RNF17: variants seen among roughly 807,000 people sequenced by gnomAD.
The protein encoded by RNF17 is spermatogenesis associated 23.
In RNF17, 31 loss-of-function variants were observed where a neutral mutation model predicts 200.5. The ratio of observed to expected loss-of-function variants is 0.15; its 90% CI spans 0.12 to 0.21. The LOEUF (loss-of-function observed/expected upper bound fraction) is 0.21, where lower values mean the gene tolerates loss of function less well. Among genes scored for constraint, RNF17 ranks in the 10% least tolerant of loss-of-function variants. The probability of loss-of-function intolerance (pLI) is 1.00; values close to 1 mark genes in which losing one functional copy is unlikely to be tolerated. For missense variants in RNF17, 1,628 were observed against 1,905.1 expected (o/e 0.85, Z 2.71); for synonymous variants, 606 against 637.8 (o/e 0.95, Z 0.75).
intron 6 of RNF17, among the ~76,000 whole-genome samples, chr13:24,787,230 A>G (rs528012449): frequency 2.6e-4 from 40 of 151,886 alleles, no homozygotes; most frequent in African/African-American, 9.4e-4. Context: ...CATTTTTCTG[A>G]TTATTCTCTA....
chr13:24,810,041 G>A (rs1029071268), intron 15 of RNF17, among the ~76,000 whole-genome samples: 1 of 151,904 alleles, frequency 6.6e-6, no homozygotes, highest in Non-Finnish European at 1.5e-5. Context: ...TACATTTGCT[G>A]AGGAGAGCTT....
At chr13:24,881,855 T>G (rs201652077), downstream of RNF17, among the ~76,000 whole-genome samples, 23 of 71,192 alleles carry the variant, frequency 3.2e-4, no homozygotes, top group East Asian at 1.0e-3. Context: ...GATACATCTA[T>G]ATAGATATAT....
chr13:24,859,157 C>T lies in RNF17; in HGVS notation c.3767C>T (p.Ala1256Val). 2 of 1,595,502 alleles carry T rather than the reference C, an allele frequency of 1.3e-6. No homozygotes were observed. Among genetic ancestry groups the T allele is most frequent in the Non-Finnish European group, 1.7e-6 (2 of 1,169,098 alleles). ...RGKVMEVVGGAVRVQYLDHGF... is the reference protein window; with the variant it reads ...RGKVMEVVGGVVRVQYLDHGF... ...AAGGTGATGGAGGTTGTAGGTGGCG[C>T]TGTCAGAGTGAGTCTGATATTCTTT... is the stretch of plus-strand genomic sequence containing the variant. The change falls in exon 26 of 36, where the codon GCT (alanine) becomes GTT (valine). Residue 1256 changes from alanine to valine, a missense_variant. Ala to Val is a moderately conservative substitution (Grantham distance 64). Coordinates refer to ENST00000255324, the MANE Select transcript of RNF17 (RefSeq NM_031277.3).
At chr13:24,830,842 T>C (rs1453763014) in intron 17 of RNF17, among the ~76,000 whole-genome samples, 1 of 152,246 alleles carries the variant, frequency 6.6e-6, no homozygotes, top group African/African-American at 2.4e-5. Context: ...GCTTTTAATA[T>C]ATCATTTTGA....
intron 2 of RNF17, among the ~76,000 whole-genome samples, chr13:24,770,321 A>C (rs1485221127): frequency 6.6e-6 from 1 of 152,190 alleles, no homozygotes; most frequent in Non-Finnish European, 1.5e-5. Flanking sequence ...ATAAAATTTA[A>C]ATGACAAGCT....
At chr13:24,825,146 A>G (rs754354637) in intron 15 of RNF17, among the ~76,000 whole-genome samples, 21 of 152,198 alleles carry the variant, frequency 1.4e-4, no homozygotes, top group Non-Finnish European at 2.8e-4. Context: ...GGACTGTACT[A>G]GATTATAAAA....
At chr13:24,768,087 A>G (rs1057187646) in intron 2 of RNF17, among the ~76,000 whole-genome samples, 1 of 152,140 alleles carries the variant, frequency 6.6e-6, no homozygotes, top group East Asian at 1.9e-4. Flanking sequence ...ATGCCATTCT[A>G]CAACAAGGTA....
chr13:24,886,824 C>T, the RNF17 span, among the ~76,000 whole-genome samples: 1 of 152,178 alleles, frequency 6.6e-6, no homozygotes, highest in Non-Finnish European at 1.5e-5. Context: ...AGGTTGTCAA[C>T]TAATAAAAGG....
At chr13:24,869,375 T>C (rs143179797) in intron 31 of RNF17, among the ~76,000 whole-genome samples, 1 of 152,378 alleles carries the variant, frequency 6.6e-6, no homozygotes, top group African/African-American at 2.4e-5. Context: ...TTATGCTCTA[T>C]ATAGTTGCTA....
chr13:24,832,727 G>A (rs1041443825), intron 18 of RNF17, among the ~76,000 whole-genome samples: 5 of 151,960 alleles, frequency 3.3e-5, no homozygotes, highest in Middle Eastern at 3.2e-3. Context: ...TTAGATAGGG[G>A]GATTGGGAAT....
upstream of RNF17, among the ~76,000 whole-genome samples, chr13:24,761,951 C>T (rs1878780281): frequency 6.6e-6 from 1 of 152,136 alleles, no homozygotes; most frequent in Non-Finnish European, 1.5e-5. Flanking sequence ...TGTCATTATT[C>T]AAATTACAGT....
downstream of RNF17, among the ~76,000 whole-genome samples, chr13:24,883,743 C>G (rs1254946279): frequency 6.6e-6 from 1 of 152,126 alleles, no homozygotes; most frequent in South Asian, 2.1e-4. Context: ...GGGGCATGAT[C>G]AGACTTAAAA....
At chr13:24,806,812 A>G (rs1204255840) in intron 15 of RNF17, among the ~76,000 whole-genome samples, 1 of 106,898 alleles carries the variant, frequency 9.4e-6, no homozygotes, top group Non-Finnish European at 1.8e-5. Context: ...CCCCACCCCA[A>G]AACAGTCCCC....
At chr13:24,843,261 G>A (rs1002240422) in intron 19 of RNF17, among the ~76,000 whole-genome samples, 7 of 152,202 alleles carry the variant, frequency 4.6e-5, no homozygotes, top group Admixed American at 1.3e-4. Flanking sequence ...GCTCACGCCT[G>A]TAATCCCAGC....
chr13:24,771,258 C>T (rs1880628007), intron 2 of RNF17, among the ~76,000 whole-genome samples: 1 of 151,258 alleles, frequency 6.6e-6, no homozygotes, highest in African/African-American at 2.4e-5. Context: ...CTGAAGCAAT[C>T]CTCCTACCTC....
chr13:24,756,606 C>T, the RNF17 span, among the ~76,000 whole-genome samples: 2 of 152,000 alleles, frequency 1.3e-5, no homozygotes, highest in Admixed American at 1.3e-4. Context: ...TAAATCAAAC[C>T]ACTCAGATCC....
rs186496733 is a variant in RNF17 at position 24,771,261 on chromosome 13, C to T, written c.226-3552C>T. Among the ~76,000 whole-genome samples, 4 of 151,706 alleles carry T rather than the reference C, an allele frequency of 2.6e-5. No homozygotes were observed. The East Asian group carries it at 7.8e-4, about 29-fold the overall frequency. ...CAGCCTCTCCAGCTGAAGCAATCCT[C>T]CTACCTCATCCAGTCCAGTAGTAGC... On this transcript the variant is annotated intron_variant, in intron 2 of 35. Coordinates refer to ENST00000255324, the MANE Select transcript of RNF17 (RefSeq NM_031277.3).
chr13:24,775,114 AAG>A (rs1881379837), intron 3 of RNF17, among the ~76,000 whole-genome samples: 1 of 152,260 alleles, frequency 6.6e-6, no homozygotes, highest in African/African-American at 2.4e-5. Context: ...TATTTAAAGA[AAG>A]AAAAAATGTT....
At chr13:24,832,028 A>G in intron 18 of RNF17, 50 bp downstream of exon 18, 1 of 1,240,074 alleles carries the variant, frequency 8.1e-7, no homozygotes, top group Non-Finnish European at 1.1e-6. Context: ...TTTAAATAAT[A>G]ATATGAATAA....
Sources: allele counts gnomAD v4.1 joint callset (sites outside exome capture counted in the v4.1 genomes callset), GRCh38; gene constraint gnomAD v4.1.1; transcripts MANE v1.5; gene names NCBI Gene and HGNC (gene_info 2026-07-23, HGNC 2026-07-21).